The following PFDN2 variants were observed in gnomAD, a reference collection of about 807,000 sequenced individuals.
The protein encoded by PFDN2 is prefoldin subunit 2.
PFDN2 carries 7 observed loss-of-function variants against 18.3 expected under a neutral mutation model. That is an observed-to-expected ratio of 0.38 (90% CI 0.22 to 0.72). PFDN2 has a LOEUF of 0.72. Among genes scored for constraint, PFDN2 ranks in the 30% least tolerant of loss-of-function variants. PFDN2 has a pLI of 0.47. For missense variants in PFDN2, 181 were observed against 199.1 expected (o/e 0.91, Z 0.55); for synonymous variants, 76 against 75.0 (o/e 1.01, Z -0.07).
intron 1 of PFDN2, among the ~76,000 whole-genome samples, chr1:161,117,005 C>A (rs950055705): frequency 1.3e-5 from 2 of 152,160 alleles, no homozygotes; most frequent in African/African-American, 4.8e-5. Context: ...GAGGCCGAGG[C>A]GTGCGGATCA....
intron 1 of PFDN2, 77 bp from the exon 2 acceptor site, chr1:161,102,452 G>T: frequency 8.7e-7 from 1 of 1,149,264 alleles, no homozygotes; most frequent in Non-Finnish European, 1.3e-6. Flanking sequence ...AGGGTGGCAG[G>T]CTTTACAAAG....
At chr1:161,108,422 C>T (rs1052568980) in intron 1 of PFDN2, among the ~76,000 whole-genome samples, 2 of 148,636 alleles carry the variant, frequency 1.3e-5, no homozygotes, top group African/African-American at 2.5e-5. Flanking sequence ...CGCACCATTA[C>T]ACTCCAGCCT....
intron 1 of PFDN2, among the ~76,000 whole-genome samples, chr1:161,106,498 T>C (rs1430852251): frequency 6.6e-6 from 1 of 152,228 alleles, no homozygotes; most frequent in African/African-American, 2.4e-5. Context: ...TCTTCTCCCC[T>C]ATGGCTAGGA....
chr1:161,105,936 T>C (rs1654668429), intron 1 of PFDN2, among the ~76,000 whole-genome samples: 1 of 152,224 alleles, frequency 6.6e-6, no homozygotes, highest in Non-Finnish European at 1.5e-5. Flanking sequence ...AAATGAAATC[T>C]CTTAGCAGCT....
At position 161,100,795 on chromosome 1, in the gene PFDN2, AATTC is replaced by A; in HGVS notation, c.349_352del (p.Glu117SerfsTer53). On this transcript the variant is annotated frameshift_variant, in exon 4 of 4. Transcript: ENST00000368010. LOFTEE classifies it high-confidence loss of function. ...GAGACGAATGTTGTGCTTTTCCCGG[AATTC>A]ATTTAGTTCTTTTCCCTTTGCCTGA... 1 of 1,613,806 alleles carries A rather than the reference AATTC, an allele frequency of 6.2e-7. No homozygotes were observed. Among genetic ancestry groups the A allele is most frequent in the Non-Finnish European group, 8.5e-7 (1 of 1,179,820 alleles).
chr1:161,103,369 C>T (rs1242764344), intron 1 of PFDN2, among the ~76,000 whole-genome samples: 1 of 150,196 alleles, frequency 6.7e-6, no homozygotes, highest in Non-Finnish European at 1.5e-5. Context: ...CTGTGAAATA[C>T]CCACTATTAT....
At chr1:161,110,231 T>A (rs1039959324) in intron 1 of PFDN2, among the ~76,000 whole-genome samples, 2 of 145,694 alleles carry the variant, frequency 1.4e-5, no homozygotes, top group Non-Finnish European at 3.0e-5. Flanking sequence ...TATGGTGGCT[T>A]ATGCCTGTAG....
At chr1:161,115,479 A>C (rs1654896124) in intron 1 of PFDN2, among the ~76,000 whole-genome samples, 1 of 152,242 alleles carries the variant, frequency 6.6e-6, no homozygotes, top group African/African-American at 2.4e-5. Context: ...TGTATATGCT[A>C]CCTGCCCTTT....
intron 1 of PFDN2, among the ~76,000 whole-genome samples, chr1:161,111,876 T>G (rs1042369543): frequency 2.0e-5 from 3 of 152,356 alleles, no homozygotes; most frequent in Middle Eastern, 3.4e-3. Context: ...ATTTGATATA[T>G]TCATATAATC....
intron 1 of PFDN2, 44 bp from the exon 2 acceptor site, chr1:161,102,419 G>A (rs1654586986): frequency 1.4e-6 from 2 of 1,478,544 alleles, no homozygotes; most frequent in Admixed American, 1.7e-5. Flanking sequence ...TAGTGGAAAT[G>A]GCAGAGGGTC....
chr1:161,118,005 C>T lies in PFDN2; in HGVS notation c.22G>A (p.Ala8Thr). MAENSGRAGKSSGSGAGK... is the reference protein window; with the variant it reads MAENSGRTGKSSGSGAGK... ...GCGCCGCTCCCGCTGCTCTTGCCGG[C>T]GCGACCGCTGTTCTCCGCCATCTTC... The change falls in exon 1 of 4, where the codon GCC becomes ACC. Residue 8 changes from alanine to threonine, a missense_variant. Coordinates refer to ENST00000368010, the MANE Select transcript of PFDN2 (RefSeq NM_012394.4). 1.2e-6 allele frequency: 2 copies of T among 1,612,278 alleles called. No homozygotes were observed. Among genetic ancestry groups the T allele is most frequent in the South Asian group, 1.1e-5 (1 of 90,974 alleles).
intron 1 of PFDN2, among the ~76,000 whole-genome samples, chr1:161,109,673 G>A (rs976517596): frequency 1.3e-5 from 2 of 152,264 alleles, no homozygotes; most frequent in East Asian, 1.9e-4. Context: ...GACCAAGGCT[G>A]GTGGAGTGTT....
chr1:161,104,816 T>C (rs949388555), intron 1 of PFDN2, among the ~76,000 whole-genome samples: 5 of 152,138 alleles, frequency 3.3e-5, no homozygotes, highest in African/African-American at 7.2e-5. Context: ...CTTATGTCCC[T>C]TCTACTGCCA....
rs1394318043 is a variant in PFDN2, at chr1:161,102,381, A to G, written c.76-6T>C. The G allele has an allele frequency of 1.2e-6, 2 of 1,600,776 alleles. No individual in the cohort carries two copies. Among genetic ancestry groups the G allele is most frequent in the East Asian group, 2.2e-5 (1 of 44,820 alleles). ...CGGTTGAAGCCAGCAATCACCTAACAAGGTGAGAGAAGAGATGAAAGAGGG... is the reference window on the plus strand; with the variant it reads ...CGGTTGAAGCCAGCAATCACCTAACGAGGTGAGAGAAGAGATGAAAGAGGG... On this transcript the variant is annotated splice_region_variant and splice_polypyrimidine_tract_variant and intron_variant, in intron 1 of 3. Coordinates refer to ENST00000368010, the MANE Select transcript of PFDN2 (RefSeq NM_012394.4).
At position 161,106,703 on chromosome 1, in the gene PFDN2, C is replaced by T. The variant is rs185258232; in HGVS notation, c.76-4328G>A. Among the ~76,000 whole-genome samples the T allele has an allele frequency of 2.9e-3, 436 of 152,304 alleles. 8 individuals are homozygous for T. The highest frequency in any genetic ancestry group is 7.2e-4 in the Non-Finnish European group (49 of 68,028). ...CCCAGATGGAGTACAGTGGTGCAAT[C>T]ATGGCTCATTGCAGCCTTGAACTCC... On this transcript the variant is annotated intron_variant, in intron 1 of 3. Transcript: ENST00000368010.
At chr1:161,101,528 C>T (rs1207940391) in intron 3 of PFDN2, among the ~76,000 whole-genome samples, 1 of 152,092 alleles carries the variant, frequency 6.6e-6, no homozygotes, top group African/African-American at 2.4e-5. Context: ...CACTTCATGG[C>T]ACTCCCAAAG....
At chr1:161,109,495 C>G (rs1654753032) in intron 1 of PFDN2, among the ~76,000 whole-genome samples, 1 of 152,162 alleles carries the variant, frequency 6.6e-6, no homozygotes, top group Non-Finnish European at 1.5e-5. Context: ...CAAATGCAAC[C>G]TATTTTAAAA....
chr1:161,106,056 T>C (rs1654670497), intron 1 of PFDN2, among the ~76,000 whole-genome samples: 1 of 151,524 alleles, frequency 6.6e-6, no homozygotes, highest in Non-Finnish European at 1.5e-5. Flanking sequence ...CTCTCATGAA[T>C]GACTTGGTTG....
chr1:161,114,850 G>T (rs748707482), intron 1 of PFDN2, among the ~76,000 whole-genome samples: 1 of 152,134 alleles, frequency 6.6e-6, no homozygotes, highest in African/African-American at 2.4e-5. Context: ...CTACAACCTC[G>T]TGATTAGTTA....
Sources: gnomAD v4.1 joint callset for allele counts (sites outside exome capture counted in the v4.1 genomes callset) on GRCh38, gnomAD v4.1.1 for gene constraint, MANE v1.5 for transcripts, NCBI Gene and HGNC (gene_info 2026-07-23, HGNC 2026-07-21) for gene names.